PARD3: variants seen among roughly 807,000 people sequenced by gnomAD.
PARD3 encodes the protein partitioning defective 3 homolog.
In PARD3, 75 loss-of-function variants were observed where a neutral mutation model predicts 155.4. The ratio of observed to expected loss-of-function variants is 0.48; its 90% CI spans 0.40 to 0.58. The LOEUF is 0.58. Among genes scored for constraint, PARD3 ranks in the 20% least tolerant of loss-of-function variants. The probability of loss-of-function intolerance (pLI) is 0.00; values close to 1 mark genes in which losing one functional copy is unlikely to be tolerated. For synonymous variants in PARD3, 576 were observed against 610.5 expected, an observed-to-expected ratio of 0.94 and a Z score of 0.83; for missense variants, 1,642 against 1,721.7, an observed-to-expected ratio of 0.95 and a Z score of 0.82.
intron 24 of PARD3, among the ~76,000 whole-genome samples, chr10:34,113,207 C>T (rs1007647072): frequency 2.6e-5 from 4 of 152,108 alleles, no homozygotes; most frequent in Non-Finnish European, 5.9e-5. Context: ...CTCTGGCCTA[C>T]TAAGATCCAC....
At chr10:34,741,385 A>G (rs1256520352) in intron 1 of PARD3, among the ~76,000 whole-genome samples, 1 of 151,316 alleles carries the variant, frequency 6.6e-6, no homozygotes, top group African/African-American at 2.4e-5. Flanking sequence ...CAGTCTCACT[A>G]TGTTGCCCAG....
chr10:34,179,709 G>A (rs1950188203), intron 22 of PARD3, among the ~76,000 whole-genome samples: 2 of 152,146 alleles, frequency 1.3e-5, no homozygotes, highest in Non-Finnish European at 2.9e-5. Flanking sequence ...TACACAACAT[G>A]CATATTCAGG....
At chr10:34,654,533 C>T (rs909184388) in intron 2 of PARD3, among the ~76,000 whole-genome samples, 3 of 152,206 alleles carry the variant, frequency 2.0e-5, no homozygotes, top group African/African-American at 4.8e-5. Context: ...ACAAGTTCAA[C>T]AGATGAAAAA....
chr10:34,285,217 AT>A (rs1490017715), intron 20 of PARD3, among the ~76,000 whole-genome samples: 10 of 152,222 alleles, frequency 6.6e-5, no homozygotes, highest in African/African-American at 7.2e-5. Flanking sequence ...TATATTGAGT[AT>A]TTCTTTCTGA....
chr10:34,112,045 ATG>A (rs1946411638), intron 24 of PARD3, among the ~76,000 whole-genome samples: 2 of 152,242 alleles, frequency 1.3e-5, no homozygotes, highest in African/African-American at 4.8e-5. Context: ...TATGAAGTAC[ATG>A]TAATGGATTA....
intron 23 of PARD3, among the ~76,000 whole-genome samples, chr10:34,121,011 C>G (rs1946968179): frequency 6.6e-6 from 1 of 151,616 alleles, no homozygotes; most frequent in Admixed American, 6.6e-5. Context: ...TAAGCCATGA[C>G]CGTGCCATTG....
intron 5 of PARD3, among the ~76,000 whole-genome samples, chr10:34,445,778 T>C (rs1303610829): frequency 6.7e-6 from 1 of 149,604 alleles, no homozygotes; most frequent in Non-Finnish European, 1.5e-5. Context: ...CTACCAATTT[T>C]GCAGTATTTA....
At chr10:34,762,469 CTTTTT>C (rs72049773) in intron 1 of PARD3, among the ~76,000 whole-genome samples, 33 of 98,660 alleles carry the variant, frequency 3.3e-4, no homozygotes, top group African/African-American at 1.3e-3. Context: ...CCATGCCTGA[CTTTTT>C]TTTTTTTTTT....
rs533250101 is a variant in PARD3, at chr10:34,519,574, G to A, written c.223-2415C>T. Among the ~76,000 whole-genome samples the A allele has an allele frequency of 1.2e-4, 18 of 152,234 alleles. No homozygotes were observed. In the East Asian group the frequency reaches 3.1e-3, roughly 26 times the overall value. On this transcript the variant is annotated intron_variant, in intron 2 of 24. Coordinates refer to ENST00000374788, the MANE Select transcript of PARD3 (RefSeq NM_001184785.2). ...CACGCCTGTAATCCCAGCACTTTGG[G>A]AGGCCTAGGCGGGCGGATCATTTGA...
chr10:34,292,195 A>T (rs117556294), intron 20 of PARD3, among the ~76,000 whole-genome samples: 6,106 of 152,332 alleles, frequency 0.04, 175 homozygotes, highest in Middle Eastern at 0.099. Context: ...AATTCACTGC[A>T]TGCAGTTATC....
intron 2 of PARD3, among the ~76,000 whole-genome samples, chr10:34,567,800 A>G (rs990212646): frequency 2.0e-5 from 3 of 152,252 alleles, no homozygotes; most frequent in African/African-American, 7.2e-5. Context: ...TATTGTACCA[A>G]GAAGCTTTGC....
At chr10:34,658,498 C>A (rs1454859187) in intron 2 of PARD3, among the ~76,000 whole-genome samples, 1 of 151,904 alleles carries the variant, frequency 6.6e-6, no homozygotes, top group Non-Finnish European at 1.5e-5. Context: ...CAGACGGTAC[C>A]CACCCTCCGA....
rs372109654 is a variant in PARD3 at position 34,265,937 on chromosome 10, C to T, written c.3419+3720G>A. ...AAGGGATGGGCAAGACTGTGGGGGTCGGCAAACAAACCCAAATGAACCTGC... is the reference window on the plus strand; with the variant it reads ...AAGGGATGGGCAAGACTGTGGGGGTTGGCAAACAAACCCAAATGAACCTGC... On this transcript the variant is annotated intron_variant, in intron 22 of 24. Coordinates refer to ENST00000374788, the MANE Select transcript of PARD3 (RefSeq NM_001184785.2). Among the ~76,000 whole-genome samples the T allele has an allele frequency of 1.6e-4, 25 of 152,224 alleles. 2 individuals carry two copies. Among genetic ancestry groups the T allele is most frequent in the Admixed American group, 9.2e-4 (14 of 15,298 alleles).
intron 3 of PARD3, among the ~76,000 whole-genome samples, chr10:34,483,682 T>TCA (rs1357901398): frequency 6.6e-6 from 1 of 152,184 alleles, no homozygotes; most frequent in African/African-American, 2.4e-5. Flanking sequence ...CCTCACTGTC[T>TCA]CACCCTCAGT....
intron 10 of PARD3, 90 bp from the exon 11 acceptor site, chr10:34,375,092 A>T (rs1459141490): frequency 3.4e-6 from 3 of 877,324 alleles, no homozygotes; most frequent in Non-Finnish European, 1.8e-6. Flanking sequence ...ACACACACAC[A>T]CACTCTAGGA....
chr10:34,558,901 T>G (rs1590011028), intron 2 of PARD3, among the ~76,000 whole-genome samples: 1 of 152,118 alleles, frequency 6.6e-6, no homozygotes, highest in South Asian at 2.1e-4. Context: ...GAGCCAAGAT[T>G]GCGCCACTGC....
chr10:34,222,341 G>A (rs2133482876), intron 22 of PARD3, among the ~76,000 whole-genome samples: 1 of 152,296 alleles, frequency 6.6e-6, no homozygotes, highest in African/African-American at 2.4e-5. Context: ...AGTGGCTTAA[G>A]GACAACTAAG....
chr10:34,224,234 T>C (rs1051043378), intron 22 of PARD3, among the ~76,000 whole-genome samples: 5 of 152,232 alleles, frequency 3.3e-5, no homozygotes, highest in African/African-American at 1.2e-4. Context: ...AATATCTGAA[T>C]ACATTGCTCA....
intron 1 of PARD3, 27 bp downstream of exon 1, chr10:34,814,843 GCCCCCT>G: frequency 1.5e-6 from 1 of 684,280 alleles, no homozygotes; most frequent in Non-Finnish European, 2.2e-6. Flanking sequence ...CCCCGCCGCC[GCCCCCT>G]CCCCGCCCGC....
Sources: gnomAD v4.1 joint callset for allele counts (sites outside exome capture counted in the v4.1 genomes callset) on GRCh38, gnomAD v4.1.1 for gene constraint, MANE v1.5 for transcripts, NCBI Gene and HGNC (gene_info 2026-07-23, HGNC 2026-07-21) for gene names.